Variants in ZBTB49 observed in about 807,000 individuals in gnomAD.
ZBTB49 encodes the protein zinc finger and BTB domain-containing protein 49.
Under a neutral mutation model 57.5 loss-of-function variants are expected in ZBTB49, and 43 were observed. The ratio of observed to expected loss-of-function variants is 0.75; its 90% CI spans 0.59 to 0.97. ZBTB49 has a LOEUF of 0.97. Ranked by LOEUF, ZBTB49 falls within the 50% of genes least tolerant of loss-of-function variation. ZBTB49 has a pLI of 0.00. For missense variants in ZBTB49, 938 were observed against 947.7 expected, an observed-to-expected ratio of 0.99 and a Z score of 0.13; for synonymous variants, 369 against 362.1, an observed-to-expected ratio of 1.02 and a Z score of -0.22.
rs1553803052 is a variant in ZBTB49 at position 4,294,872 on chromosome 4, C to CGTGTATGTGTGTGTGT, written c.-20+4524_-20+4525insATGTGTGTGTGTGTGT. On this transcript the variant is annotated intron_variant, in intron 1 of 7. Transcript: ENST00000337872. Reference sequence around the variant, plus strand: ...TTAACAGGTCTGTGGAGGAGGGTTTCGTGTGTGTGTGTGTGTGTGTGTGTG... The same window carrying CGTGTATGTGTGTGTGT: ...TTAACAGGTCTGTGGAGGAGGGTTTCGTGTATGTGTGTGTGTGTGTGTGTGTGTGTGTGTGTGTGTG... 6.4e-4 allele frequency among the ~76,000 whole-genome samples: 88 copies of CGTGTATGTGTGTGTGT among 138,128 alleles called. 3 individuals carry two copies. The East Asian group carries it at 8.8e-3, about 14-fold the overall frequency. The allele number at this position is 138,128 out of a possible 152,430, so 90.6% of individuals were successfully genotyped here.
intron 3 of ZBTB49, among the ~76,000 whole-genome samples, chr4:4,304,596 C>T (rs1720658080): frequency 6.6e-6 from 1 of 152,122 alleles, no homozygotes; most frequent in African/African-American, 2.4e-5. Context: ...CTGGGAGAAC[C>T]TCTTTGAATG....
At chr4:4,305,530 G>C (rs115906631) in intron 3 of ZBTB49, among the ~76,000 whole-genome samples, 1 of 152,168 alleles carries the variant, frequency 6.6e-6, no homozygotes, top group African/African-American at 2.4e-5. Flanking sequence ...CTTAGAATCT[G>C]TTCTGTCCCC....
At chr4:4,312,313 G>A (rs1577244806) in intron 4 of ZBTB49, among the ~76,000 whole-genome samples, 1 of 152,134 alleles carries the variant, frequency 6.6e-6, no homozygotes, top group East Asian at 1.9e-4. Context: ...AAATATCTGA[G>A]GCATTTGCAG....
intron 4 of ZBTB49, 93 bp downstream of exon 4, chr4:4,306,277 A>G: frequency 9.3e-7 from 1 of 1,077,666 alleles, no homozygotes; most frequent in South Asian, 1.3e-5. Context: ...CTTGTGAGAG[A>G]AGCCTCTAAT....
intron 1 of ZBTB49, among the ~76,000 whole-genome samples, chr4:4,291,675 T>G (rs996682177): frequency 9.2e-5 from 14 of 152,236 alleles, no homozygotes; most frequent in Non-Finnish European, 1.8e-4. Context: ...TGGGTTTGGT[T>G]GTTGTTGTTT....
At position 4,313,169 on chromosome 4, in the gene ZBTB49, C is replaced by T. The variant is rs1721046057; in HGVS notation, c.1376+55C>T. 8 of 1,601,722 alleles carry T rather than the reference C, an allele frequency of 5.0e-6. No homozygotes were observed. In the East Asian group the frequency reaches 1.8e-4, roughly 36 times the overall value. ...AAGGGAGCATGTCTAGTCTCAGTGT[C>T]TTTGGTAGTCAGTGTCTTCTGAAGT... On this transcript the variant is annotated intron_variant, in intron 5 of 7. Coordinates refer to ENST00000337872, the MANE Select transcript of ZBTB49 (RefSeq NM_145291.4).
chr4:4,318,131 G>A (rs1246172742), intron 7 of ZBTB49, among the ~76,000 whole-genome samples: 2 of 152,114 alleles, frequency 1.3e-5, no homozygotes, highest in East Asian at 3.9e-4. Flanking sequence ...CCCTCCTCGC[G>A]ATGGGACACA....
Position 4,302,958 on chromosome 4 carries a change from G to T in ZBTB49, c.1122G>T (p.Glu374Asp), listed in dbSNP as rs1720566336. ...ATTTTAATTGCATTAGTGAGACGGAGAGGCCTGAAGACCCGGCTGCCCTGG... is the reference window on the plus strand; with the variant it reads ...ATTTTAATTGCATTAGTGAGACGGATAGGCCTGAAGACCCGGCTGCCCTGG... ...CENFNCISETERPEDPAALED... is the reference protein window; with the variant it reads ...CENFNCISETDRPEDPAALED... The change falls in exon 3 of 8, where the codon GAG becomes GAT. Residue 374 changes from glutamate to aspartate, a missense_variant. This residue lies in a region of ZBTB49 where 835 missense variants were observed against 819.1 expected (regional missense o/e 1.02). Coordinates refer to ENST00000337872, the MANE Select transcript of ZBTB49 (RefSeq NM_145291.4). The T allele has an allele frequency of 1.2e-6, 2 of 1,614,210 alleles. No homozygotes were observed.
At chr4:4,310,702 G>A (rs1455640817) in intron 4 of ZBTB49, among the ~76,000 whole-genome samples, 2 of 145,224 alleles carry the variant, frequency 1.4e-5, no homozygotes, top group Admixed American at 1.4e-4. Flanking sequence ...TGTATTTTTA[G>A]TAGAGACGGG....
At chr4:4,315,541 C>A in intron 5 of ZBTB49, 95 bp from the exon 6 acceptor site, 9 of 1,197,892 alleles carry the variant, frequency 7.5e-6, no homozygotes, top group South Asian at 1.4e-5. Context: ...GCAGCAGTGT[C>A]AGGAGCAGGT....
chr4:4,304,299 C>T (rs1235477888), intron 3 of ZBTB49, among the ~76,000 whole-genome samples: 6 of 150,990 alleles, frequency 4.0e-5, no homozygotes, highest in Non-Finnish European at 8.8e-5. Context: ...AATCTCGGCT[C>T]ACTGCAACCT....
chr4:4,303,404 A>C (rs1278114940), intron 3 of ZBTB49, among the ~76,000 whole-genome samples: 1 of 152,220 alleles, frequency 6.6e-6, no homozygotes, highest in East Asian at 1.9e-4. Flanking sequence ...CCAGAATTTC[A>C]AATTAATTCT....
intron 5 of ZBTB49, among the ~76,000 whole-genome samples, chr4:4,314,543 T>G (rs1721108327): frequency 6.6e-6 from 1 of 152,208 alleles, no homozygotes; most frequent in Non-Finnish European, 1.5e-5. Context: ...GGTTAATTTT[T>G]GTATTTTTAG....
At chr4:4,303,243 T>C in intron 3 of ZBTB49, 152 bp downstream of exon 3, 1 of 991,614 alleles carries the variant, frequency 1.0e-6, no homozygotes, top group Non-Finnish European at 1.4e-6. Flanking sequence ...ACTTTTTGTT[T>C]TATATTTTTG....
chr4:4,308,645 A>G (rs1370463010), intron 4 of ZBTB49, among the ~76,000 whole-genome samples: 2 of 152,160 alleles, frequency 1.3e-5, no homozygotes, highest in African/African-American at 2.4e-5. Flanking sequence ...AACTGTTTTA[A>G]TGTTTGTTGC....
intron 1 of ZBTB49, among the ~76,000 whole-genome samples, chr4:4,297,249 T>A (rs1011926879): frequency 6.6e-6 from 1 of 152,104 alleles, no homozygotes; most frequent in African/African-American, 2.4e-5. Flanking sequence ...TTTTGTATTT[T>A]TGTAGAAACA....
chr4:4,320,967 G>A lies in ZBTB49; in HGVS notation c.1949G>A (p.Gly650Asp). Residue 650 changes from glycine (G) to aspartate (D), a missense_variant, in exon 8 of 8, where the codon GGC becomes GAC. Coordinates refer to ENST00000337872, the MANE Select transcript of ZBTB49 (RefSeq NM_145291.4). ...SVAEFDSHSG[G>D]SYCKLRSMIQ... ...GCAGAATTTGATAGCCACTCTGGCG[G>A]CTCCTATTGTAAGTTACGGTCCATG... 6.2e-7 allele frequency: 1 copy of A among 1,614,210 alleles called. No individual in the cohort carries two copies. Among genetic ancestry groups the A allele is most frequent in the Non-Finnish European group, 8.5e-7 (1 of 1,180,046 alleles).
At chr4:4,295,197 TCA>T (rs1298122094) in intron 1 of ZBTB49, among the ~76,000 whole-genome samples, 1 of 152,170 alleles carries the variant, frequency 6.6e-6, no homozygotes, top group African/African-American at 2.4e-5. Context: ...TTTAACTGAC[TCA>T]CAGTTCTTCA....
intron 1 of ZBTB49, among the ~76,000 whole-genome samples, 139 bp from the exon 2 acceptor site, chr4:4,299,776 GGTGTGTGTGTGT>G (rs33911857): frequency 2.9e-5 from 3 of 103,636 alleles, no homozygotes; most frequent in African/African-American, 8.3e-5. Flanking sequence ...CAGAAACAGA[GGTGTGTGTGTGT>G]GTGTGTGTGT....
Sources: gnomAD v4.1 joint callset for allele counts (sites outside exome capture counted in the v4.1 genomes callset) on GRCh38, gnomAD v4.1.1 for gene constraint, gnomAD v4.1.1 regional missense constraint, MANE v1.5 for transcripts, NCBI Gene and HGNC (gene_info 2026-07-23, HGNC 2026-07-21) for gene names.